The following ST7 variants were observed in gnomAD, a reference collection of about 807,000 sequenced individuals.
The protein encoded by ST7 is suppression of tumorigenicity 7.
Under a neutral mutation model 78.7 loss-of-function variants are expected in ST7, and 28 were observed. The observed-to-expected ratio is 0.36, with a 90% CI of 0.26 to 0.49. The LOEUF (loss-of-function observed/expected upper bound fraction) is 0.49. Among genes scored for constraint, ST7 ranks in the 20% least tolerant of loss-of-function variants. ST7 has a pLI of 0.99. For missense variants in ST7, 418 were observed against 696.0 expected, an observed-to-expected ratio of 0.60 and a Z score of 4.49; for synonymous variants, 247 against 249.6, an observed-to-expected ratio of 0.99 and a Z score of 0.10.
At chr7:117,050,971 C>A (rs190993074) in intron 1 of ST7, among the ~76,000 whole-genome samples, 2 of 151,406 alleles carry the variant, frequency 1.3e-5, no homozygotes, top group African/African-American at 2.4e-5. Context: ...TCAGGCTATG[C>A]GGTTTGAGTT....
chr7:117,003,185 C>T (rs1020257348), intron 1 of ST7, among the ~76,000 whole-genome samples: 1 of 151,654 alleles, frequency 6.6e-6, no homozygotes, highest in African/African-American at 2.4e-5. Flanking sequence ...AGGTCTTACT[C>T]TGTCGCCCAG....
At chr7:117,090,175 G>A (rs994886250) in intron 1 of ST7, among the ~76,000 whole-genome samples, 2 of 152,036 alleles carry the variant, frequency 1.3e-5, no homozygotes, top group African/African-American at 2.4e-5. Flanking sequence ...TTATTAATGT[G>A]TAGTAGTCAT....
chr7:117,186,095 G>A (rs191451073), intron 10 of ST7, among the ~76,000 whole-genome samples: 2 of 152,284 alleles, frequency 1.3e-5, no homozygotes, highest in African/African-American at 4.8e-5. Flanking sequence ...GTTTTGAGGT[G>A]CAACAGTGAA....
rs1199285493 is a variant in ST7, at chr7:117,039,419, A to G, written c.152-60343A>G. ...GGAAACCCTGTCTCTACCAAAAAAT[A>G]AAAAATTAGCTGAGCATGGTCTCAT... On this transcript the variant is annotated intron_variant, in intron 1 of 15. Coordinates refer to ENST00000323984, the MANE Select transcript of ST7 (RefSeq NM_001369598.1). 2.0e-5 allele frequency among the ~76,000 whole-genome samples: 3 copies of G among 152,172 alleles called. No individual in the cohort carries two copies. The East Asian group carries it at 5.8e-4, about 29-fold the overall frequency.
intron 3 of ST7, among the ~76,000 whole-genome samples, chr7:117,127,820 A>G (rs562987592): frequency 6.6e-6 from 1 of 152,082 alleles, no homozygotes; most frequent in South Asian, 2.1e-4. Flanking sequence ...GATACTGCTC[A>G]GTGAATACTT....
intron 9 of ST7, among the ~76,000 whole-genome samples, chr7:117,148,877 C>T (rs1584472696): frequency 6.6e-6 from 1 of 152,172 alleles, no homozygotes; most frequent in African/African-American, 2.4e-5. Context: ...CTTCTGTGAG[C>T]AGAAGCCAGT....
chr7:117,034,712 T>A (rs1047727463), intron 1 of ST7, among the ~76,000 whole-genome samples: 11 of 152,220 alleles, frequency 7.2e-5, no homozygotes, highest in East Asian at 3.8e-4. Context: ...GTTCTTTTTT[T>A]AAAAAGCTTT....
At chr7:116,981,168 G>T (rs1480725437) in intron 1 of ST7, among the ~76,000 whole-genome samples, 1 of 151,902 alleles carries the variant, frequency 6.6e-6, no homozygotes, top group Non-Finnish European at 1.5e-5. Flanking sequence ...GAGTGCAGTG[G>T]TGTGATCATG....
intron 9 of ST7, among the ~76,000 whole-genome samples, chr7:117,149,592 CTTTTTTTTTTT>C (rs59067333): frequency 0.01 from 873 of 83,986 alleles, 18 homozygotes; most frequent in African/African-American, 0.04. Flanking sequence ...CGTGTCCTAC[CTTTTTTTTTTT>C]TTTTTTTTTT....
chr7:117,094,702 G>T (rs1024368432), intron 1 of ST7, among the ~76,000 whole-genome samples: 56 of 152,058 alleles, frequency 3.7e-4, no homozygotes, highest in Admixed American at 3.5e-3. Context: ...ACTCTCTCAG[G>T]GCCATCACAA....
At chr7:116,972,737 C>T in intron 1 of ST7, 1 of 919,190 alleles carries the variant, frequency 1.1e-6, no homozygotes, top group East Asian at 2.4e-5. Context: ...TTCTCATGAA[C>T]CAGCTGGATC....
intron 1 of ST7, among the ~76,000 whole-genome samples, chr7:116,986,257 G>A (rs1363941641): frequency 6.6e-6 from 1 of 152,246 alleles, no homozygotes; most frequent in Non-Finnish European, 1.5e-5. Context: ...GAAAGGAGGG[G>A]AGGAGATGGG....
chr7:117,203,121 A>C (rs1422400050), intron 12 of ST7, among the ~76,000 whole-genome samples: 1 of 152,232 alleles, frequency 6.6e-6, no homozygotes. Flanking sequence ...AGCCAACTGT[A>C]GTCTGTGTCT....
At chr7:117,032,099 C>T (rs1003741199) in intron 1 of ST7, among the ~76,000 whole-genome samples, 64 of 151,770 alleles carry the variant, frequency 4.2e-4, no homozygotes, top group Non-Finnish European at 1.5e-4. Flanking sequence ...CCAGGCTGGT[C>T]TCGAATTCCT....
intron 1 of ST7, among the ~76,000 whole-genome samples, chr7:117,027,457 T>TAAAAGTAAAAGTA (rs111942127): frequency 2.1e-4 from 26 of 122,042 alleles, no homozygotes; most frequent in African/African-American, 8.4e-4. Context: ...AAAAGTAAAG[T>TAAAAGTAAAAGTA]AAAGTAAAAG....
intron 1 of ST7, chr7:116,958,599 C>A (rs1792652812): frequency 4.2e-6 from 2 of 471,288 alleles, no homozygotes. Flanking sequence ...GACCAGCTGG[C>A]ATGCTGCCTT....
At chr7:116,991,068 C>G (rs765246006) in intron 1 of ST7, among the ~76,000 whole-genome samples, 2 of 152,174 alleles carry the variant, frequency 1.3e-5, no homozygotes, top group Non-Finnish European at 2.9e-5. Flanking sequence ...TGTTCGTTCT[C>G]GTTGCATTGG....
intron 15 of ST7, chr7:117,222,887 G>A (rs1369309332): frequency 1.2e-6 from 2 of 1,614,134 alleles, no homozygotes; most frequent in Admixed American, 3.3e-5. Context: ...GCTCGGCAGA[G>A]TTCAGGGACT....
At chr7:117,149,145 C>T (rs1191491094) in intron 9 of ST7, among the ~76,000 whole-genome samples, 1 of 152,116 alleles carries the variant, frequency 6.6e-6, no homozygotes, top group Non-Finnish European at 1.5e-5. Context: ...TTGCCCTCTC[C>T]TTGGGCCTGG....
Sources: allele counts gnomAD v4.1 joint callset (sites outside exome capture counted in the v4.1 genomes callset), GRCh38; gene constraint gnomAD v4.1.1; transcripts MANE v1.5; gene names NCBI Gene and HGNC (gene_info 2026-07-23, HGNC 2026-07-21).